The following NCF4 variants were observed in gnomAD, a reference collection of about 807,000 sequenced individuals.
NCF4 encodes the protein neutrophil cytosol factor 4.
In NCF4, 30 loss-of-function variants were observed where a neutral mutation model predicts 41.7. That is an observed-to-expected ratio of 0.72 (90% CI 0.54 to 0.97). NCF4 has a LOEUF of 0.97. Ranked by LOEUF, NCF4 falls within the 50% of genes least tolerant of loss-of-function variation. The probability of loss-of-function intolerance (pLI) is 0.00; values close to 1 mark genes in which losing one functional copy is unlikely to be tolerated. For synonymous variants in NCF4, 195 were observed against 175.8 expected (o/e 1.11, Z -0.87); for missense variants, 432 against 460.9 (o/e 0.94, Z 0.57).
At chr22:36,868,986 T>G (rs73887028) in intron 4 of NCF4, among the ~76,000 whole-genome samples, 295 of 152,280 alleles carry the variant, frequency 1.9e-3, no homozygotes, top group African/African-American at 6.8e-3. Context: ...CCCGCCCTCA[T>G]GAAGAATGTG....
chr22:36,873,199 G>C (rs895242481), intron 7 of NCF4, among the ~76,000 whole-genome samples: 1 of 151,440 alleles, frequency 6.6e-6, no homozygotes, highest in Non-Finnish European at 1.5e-5. Context: ...TAGAGGTAAA[G>C]ATGGAGGTGA....
chr22:36,875,606 G>C (rs1601556142), intron 7 of NCF4, 47 bp from the exon 8 acceptor site: 1 of 1,572,756 alleles, frequency 6.4e-7, no homozygotes, highest in South Asian at 1.1e-5. Context: ...GCGTGGCTCT[G>C]CTGCCTCTCC....
At position 36,865,266 on chromosome 22, in the gene NCF4, C is replaced by A. The variant is rs1569111027; in HGVS notation, c.271+194C>A. ...CCCCTGCCTCACGCCATGGCTTCCA[C>A]CCCAAGCACTCTAGCCTCACAGCCC... is the stretch of plus-strand genomic sequence containing the variant. On this transcript the variant is annotated intron_variant, in intron 3 of 9. Transcript: ENST00000248899. This position sits in a 1 kb window ranked among gnomAD's most constrained non-coding sequence, Gnocchi z 4.3. Among the ~76,000 whole-genome samples the A allele has an allele frequency of 6.6e-6, 1 of 152,148 alleles. No homozygotes were observed. The highest frequency in any genetic ancestry group is 1.5e-5 in the Non-Finnish European group (1 of 68,012).
rs761212596 is a variant in NCF4 at position 36,875,680 on chromosome 22, T to C, written c.655T>C (p.Phe219Leu). ...CACTGTCCGGGGAGCCACGGGCATC[T>C]TCCCTCTCTCCTTCGTGAAGATCCT... ...EGTVRGATGIFPLSFVKILKD... is the reference protein window; with the variant it reads ...EGTVRGATGILPLSFVKILKD... The change falls in exon 8 of 10, where the codon TTC (phenylalanine) becomes CTC (leucine). Residue 219 changes from phenylalanine to leucine, a missense_variant. Physicochemically the swap from Phe to Leu is conservative, Grantham distance 22 (BLOSUM62 0). Coordinates refer to ENST00000248899, the MANE Select transcript of NCF4 (RefSeq NM_000631.5). 39 of 1,612,726 alleles carry C rather than the reference T, an allele frequency of 2.4e-5. No homozygotes were observed. Among genetic ancestry groups the C allele is most frequent in the Non-Finnish European group, 3.1e-5 (37 of 1,180,036 alleles).
chr22:36,871,205 G>T (rs1940047205), intron 5 of NCF4, among the ~76,000 whole-genome samples: 1 of 152,214 alleles, frequency 6.6e-6, no homozygotes, highest in Admixed American at 6.5e-5. Flanking sequence ...ACACAGGCAG[G>T]TGTGTCTTAA....
At chr22:36,868,946 C>A (rs62229093) in intron 4 of NCF4, among the ~76,000 whole-genome samples, 2 of 152,210 alleles carry the variant, frequency 1.3e-5, no homozygotes, top group African/African-American at 4.8e-5. Context: ...AAAAGCCCAA[C>A]TCTCTGTAAG....
In NCF4 at chr22:36,872,518, G is replaced by C. The variant is rs1359635569; in HGVS notation, c.627+93G>C. The C allele has an allele frequency of 2.9e-6, 3 of 1,042,616 alleles. No individual in the cohort carries two copies. In the South Asian group the frequency reaches 4.1e-5, roughly 14 times the overall value. 64.6% of individuals were successfully genotyped at this position (1,042,616 alleles called of 1,614,324 possible). ...AGAGGTGAGGGTGGAAGTGCAATTG[G>C]AGGTGAGGATGAAGGTGAGGGTGGA... On this transcript the variant is annotated intron_variant, in intron 7 of 9. Transcript: ENST00000248899.
Position 36,861,119 on chromosome 22 carries a change from C to G in NCF4, c.-53C>G. On this transcript the variant is annotated 5_prime_UTR_variant, in exon 1 of 10. Coordinates refer to ENST00000248899, the MANE Select transcript of NCF4 (RefSeq NM_000631.5). ...GGAGGAAGTGAGAGGTGAACTCAGC[C>G]TGGGACTGGCTGGGCGAGACTCTCC... 1 of 1,549,992 alleles carries G rather than the reference C, an allele frequency of 6.5e-7. No individual in the cohort carries two copies. Among genetic ancestry groups the G allele is most frequent in the Non-Finnish European group, 8.7e-7 (1 of 1,145,688 alleles).
At position 36,872,009 on chromosome 22, in the gene NCF4, C is replaced by T; in HGVS notation, c.528+300C>T. ...AGCCCTGCCTTAGGCATGGAAGCTGCAGAGATGACTCAGACAAGGCCCAGC... is the reference window on the plus strand; with the variant it reads ...AGCCCTGCCTTAGGCATGGAAGCTGTAGAGATGACTCAGACAAGGCCCAGC... On this transcript the variant is annotated intron_variant, in intron 6 of 9. Coordinates refer to ENST00000248899, the MANE Select transcript of NCF4 (RefSeq NM_000631.5). 3 of 644,440 alleles carry T rather than the reference C, an allele frequency of 4.7e-6. No individual in the cohort carries two copies. The South Asian group carries it at 5.3e-5, about 11-fold the overall frequency. 39.9% of individuals were successfully genotyped at this position (644,440 alleles called of 1,614,324 possible). A position where few individuals can be genotyped will look rare whatever the true frequency, so the allele number is the denominator to read the frequency against.
chr22:36,864,231 T>C, intron 2 of NCF4, 102 bp downstream of exon 2: 2 of 1,008,586 alleles, frequency 2.0e-6, no homozygotes, highest in Non-Finnish European at 3.2e-6. Context: ...TTCTCTGATC[T>C]CTTAACTTCT....
In NCF4 at chr22:36,867,408, T is replaced by A; in HGVS notation, c.288T>A (p.Gly96=). 6.2e-7 allele frequency: 1 copy of A among 1,614,132 alleles called. No homozygotes were observed. Among genetic ancestry groups the A allele is most frequent in the South Asian group, 1.1e-5 (1 of 91,084 alleles). The change falls in exon 4 of 10, where the codon GGT becomes GGA. Residue 96 remains glycine (G), a synonymous_variant. Coordinates refer to ENST00000248899, the MANE Select transcript of NCF4 (RefSeq NM_000631.5). ...TCTTCTCAGCCAAAGTCTACGTGGG[T>A]GTGAAACAGGAGATCGCCGAGATGC... ...LPTLPAKVYV[G]VKQEIAEMRI...
Position 36,877,905 on chromosome 22 carries a change from G to C in NCF4, c.*82G>C. The C allele has an allele frequency of 7.1e-7, 1 of 1,411,548 alleles. No individual in the cohort carries two copies. The highest frequency in any genetic ancestry group is 1.2e-5 in the South Asian group (1 of 80,392). 87.4% of individuals were successfully genotyped at this position (1,411,548 alleles called of 1,614,324 possible). On this transcript the variant is annotated 3_prime_UTR_variant, in exon 10 of 10. Transcript: ENST00000248899. ...AGGAGATTGGGACCAGGAAAACCTG[G>C]GAGGATGGGCAGACTTCCTGTCTTT... is the stretch of plus-strand genomic sequence containing the variant.
At chr22:36,870,568 A>G in intron 5 of NCF4, 26 bp downstream of exon 5, 1 of 1,608,084 alleles carries the variant, frequency 6.2e-7, no homozygotes, top group South Asian at 1.1e-5. Flanking sequence ...CTGGGCTTCC[A>G]CATGGCCAGA....
intron 4 of NCF4, among the ~76,000 whole-genome samples, chr22:36,869,745 T>C (rs1249573532): frequency 6.6e-6 from 1 of 152,186 alleles, no homozygotes; most frequent in East Asian, 1.9e-4. Flanking sequence ...ACAAGGACAC[T>C]AGGGCTCAAG....
intron 1 of NCF4, among the ~76,000 whole-genome samples, chr22:36,863,665 A>C (rs1456735581): frequency 8.3e-5 from 1 of 12,014 alleles, no homozygotes; most frequent in African/African-American, 4.9e-4. Context: ...CCCAGGGCCT[A>C]GGACAGGGCC....
chr22:36,864,812 T>G, intron 2 of NCF4, 107 bp from the exon 3 acceptor site: 1 of 1,404,548 alleles, frequency 7.1e-7, no homozygotes, highest in Non-Finnish European at 9.9e-7. Context: ...TTCTGCATCC[T>G]TATCCTCATC....
intron 6 of NCF4, 88 bp from the exon 7 acceptor site, chr22:36,872,238 TA>T: frequency 9.4e-7 from 1 of 1,064,650 alleles, no homozygotes; most frequent in Non-Finnish European, 1.5e-6. Context: ...TCTACATCTG[TA>T]AAATGGGAGA....
chr22:36,865,305 A>G lies in NCF4; in HGVS notation c.271+233A>G, dbSNP rs1332586487. ...GCCTCACAGCCCCGGAGCTCTGATGACCATCGTGGCCACTCGCTCCTGCTG... is the reference window on the plus strand; with the variant it reads ...GCCTCACAGCCCCGGAGCTCTGATGGCCATCGTGGCCACTCGCTCCTGCTG... On this transcript the variant is annotated intron_variant, in intron 3 of 9. Coordinates refer to ENST00000248899, the MANE Select transcript of NCF4 (RefSeq NM_000631.5). This position sits in a 1 kb window ranked among gnomAD's most constrained non-coding sequence, Gnocchi z 4.3. Among the ~76,000 whole-genome samples, 1 of 151,892 alleles carries G rather than the reference A, an allele frequency of 6.6e-6. No individual in the cohort carries two copies. Among genetic ancestry groups the G allele is most frequent in the Non-Finnish European group, 1.5e-5 (1 of 67,942 alleles).
Position 36,864,924 on chromosome 22 carries a change from C to T in NCF4, c.123C>T (p.Phe41=), listed in dbSNP as rs369350039. ...ACAACCTCTGTCCTCCTTAGGTTTT[C>T]GTCATCGAGGTGAAGACAAAAGGAG... The part of the protein sequence containing the change: ...EKRGFTSHFV[F]VIEVKTKGGS... The change falls in exon 3 of 10, where the codon TTC becomes TTT. Residue 41 remains phenylalanine, a synonymous_variant. Transcript: ENST00000248899. The T allele has an allele frequency of 3.7e-6, 6 of 1,613,892 alleles. No individual in the cohort carries two copies. Among genetic ancestry groups the T allele is most frequent in the Admixed American group, 3.3e-5 (2 of 59,988 alleles).
Sources: allele counts gnomAD v4.1 joint callset (sites outside exome capture counted in the v4.1 genomes callset), GRCh38; gene constraint gnomAD v4.1.1; non-coding constraint Gnocchi (gnomAD v3.1); transcripts MANE v1.5; gene names NCBI Gene and HGNC (gene_info 2026-07-23, HGNC 2026-07-21).